The following GALNT14 variants were observed in gnomAD, a reference collection of about 807,000 sequenced individuals.
GALNT14 encodes polypeptide N-acetylgalactosaminyltransferase 14.
In GALNT14, 60 loss-of-function variants were observed where a neutral mutation model predicts 77.5. The observed-to-expected ratio is 0.77, with a 90% CI of 0.63 to 0.96. The LOEUF (loss-of-function observed/expected upper bound fraction) is 0.96, where lower values mean the gene tolerates loss of function less well. GALNT14 is among the 40% of genes least tolerant of loss of function. The pLI is 0.00. For synonymous variants in GALNT14, 280 were observed against 281.7 expected (o/e 0.99, Z 0.06); for missense variants, 710 against 731.0 (o/e 0.97, Z 0.33).
chr2:31,122,746 A>G (rs918360544), intron 1 of GALNT14, among the ~76,000 whole-genome samples: 3 of 152,196 alleles, frequency 2.0e-5, no homozygotes, highest in African/African-American at 4.8e-5. Flanking sequence ...TTTGTTTTCT[A>G]TAAAAATATA....
intron 10 of GALNT14, among the ~76,000 whole-genome samples, chr2:30,930,052 G>C (rs1295559287): frequency 1.3e-5 from 2 of 152,298 alleles, no homozygotes; most frequent in East Asian, 3.9e-4. Flanking sequence ...TAGATTTTTG[G>C]ATTAGGGATG....
chr2:31,011,468 A>G (rs1671027478), intron 1 of GALNT14, among the ~76,000 whole-genome samples: 1 of 152,134 alleles, frequency 6.6e-6, no homozygotes, highest in Admixed American at 6.5e-5. Flanking sequence ...GTTACATAGC[A>G]GAGGCATCCT....
chr2:31,063,228 A>AT (rs1674715732), intron 1 of GALNT14, among the ~76,000 whole-genome samples: 1 of 152,132 alleles, frequency 6.6e-6, no homozygotes, highest in Non-Finnish European at 1.5e-5. Flanking sequence ...CCTTGAGTTA[A>AT]TTTTTGTATA....
chr2:30,973,671 A>C (rs975722760), intron 2 of GALNT14, among the ~76,000 whole-genome samples: 3 of 152,252 alleles, frequency 2.0e-5, no homozygotes, highest in African/African-American at 7.2e-5. Context: ...ATTCCTTTTA[A>C]TCTCATTTCA....
intron 1 of GALNT14, among the ~76,000 whole-genome samples, chr2:31,037,344 T>A (rs2148491691): frequency 6.6e-6 from 1 of 152,358 alleles, no homozygotes; most frequent in East Asian, 1.9e-4. Context: ...AAATCAATAA[T>A]TTTACCTACT....
intron 1 of GALNT14, among the ~76,000 whole-genome samples, chr2:31,088,545 A>G (rs939248813): frequency 2.0e-5 from 3 of 152,184 alleles, no homozygotes; most frequent in Non-Finnish European, 4.4e-5. Flanking sequence ...GGCTTGGGAC[A>G]CAACCCACAA....
chr2:31,069,424 G>A (rs1363132330), intron 1 of GALNT14, among the ~76,000 whole-genome samples: 2 of 152,178 alleles, frequency 1.3e-5, no homozygotes, highest in Non-Finnish European at 2.9e-5. Flanking sequence ...CACTTTGCTT[G>A]TATTTCCCCA....
chr2:31,001,499 G>A (rs1670366502), intron 1 of GALNT14, among the ~76,000 whole-genome samples: 1 of 152,114 alleles, frequency 6.6e-6, no homozygotes, highest in African/African-American at 2.4e-5. Context: ...CCAAGAAGGG[G>A]ACAAAGTGGT....
intron 6 of GALNT14, 41 bp from the exon 7 acceptor site, chr2:30,945,911 C>G (rs776331749): frequency 6.4e-7 from 1 of 1,571,224 alleles, no homozygotes; most frequent in Non-Finnish European, 8.8e-7. Flanking sequence ...TGGAGAGGAG[C>G]CCAGCTGGGA....
chr2:31,074,166 C>T (rs1210900308), intron 1 of GALNT14, among the ~76,000 whole-genome samples: 1 of 152,138 alleles, frequency 6.6e-6, no homozygotes, highest in Non-Finnish European at 1.5e-5. Context: ...TGAAGGGAGA[C>T]GGTGCCAGGG....
At chr2:30,902,158 G>A in the GALNT14 span, among the ~76,000 whole-genome samples, 4 of 152,158 alleles carry the variant, frequency 2.6e-5, no homozygotes, top group Non-Finnish European at 5.9e-5. Context: ...GCATCCCTGG[G>A]GCTGGAGAAT....
intron 8 of GALNT14, among the ~76,000 whole-genome samples, chr2:30,943,281 G>A (rs1180780255): frequency 6.6e-6 from 1 of 152,150 alleles, no homozygotes; most frequent in African/African-American, 2.4e-5. Flanking sequence ...GCCTGAAAAG[G>A]GGCTACCAAG....
At chr2:30,966,355 T>G in intron 2 of GALNT14, 53 bp from the exon 3 acceptor site, 1 of 1,376,422 alleles carries the variant, frequency 7.3e-7, no homozygotes, top group South Asian at 1.2e-5. Flanking sequence ...AAAGCATATC[T>G]GGAGGGCTAG....
intron 1 of GALNT14, among the ~76,000 whole-genome samples, chr2:31,051,763 G>A (rs1454409709): frequency 6.6e-6 from 1 of 152,108 alleles, no homozygotes; most frequent in Non-Finnish European, 1.5e-5. Flanking sequence ...TCAGGGACTG[G>A]GACACCATTT....
intron 1 of GALNT14, among the ~76,000 whole-genome samples, chr2:31,054,491 T>A (rs1197901250): frequency 6.6e-6 from 1 of 152,192 alleles, no homozygotes; most frequent in Non-Finnish European, 1.5e-5. Flanking sequence ...TGTCCTCCAC[T>A]GAGAGCAGAT....
chr2:30,891,463 T>C, the GALNT14 span, among the ~76,000 whole-genome samples: 1 of 151,980 alleles, frequency 6.6e-6, no homozygotes, highest in African/African-American at 2.4e-5. Context: ...AAACAAACAC[T>C]TGGTAAAGAA....
chr2:30,954,233 G>C (rs1288990074), intron 6 of GALNT14, among the ~76,000 whole-genome samples: 1 of 152,218 alleles, frequency 6.6e-6, no homozygotes, highest in East Asian at 1.9e-4. Flanking sequence ...GGCTGCAGAA[G>C]AGAGCATGGA....
chr2:30,973,470 C>A (rs561889864), intron 2 of GALNT14, among the ~76,000 whole-genome samples: 7 of 152,166 alleles, frequency 4.6e-5, no homozygotes, highest in African/African-American at 1.7e-4. Flanking sequence ...CTTTTAGAAT[C>A]ACAGATTTCA....
chr2:30,989,801 G>A (rs1669577561), intron 2 of GALNT14, among the ~76,000 whole-genome samples: 1 of 150,468 alleles, frequency 6.6e-6, no homozygotes, highest in Non-Finnish European at 1.5e-5. Flanking sequence ...TTCCAAAAGA[G>A]GAAACTGAGG....
Sources: allele counts gnomAD v4.1 joint callset (sites outside exome capture counted in the v4.1 genomes callset), GRCh38; gene constraint gnomAD v4.1.1; transcripts MANE v1.5; gene names NCBI Gene and HGNC (gene_info 2026-07-23, HGNC 2026-07-21).